Variants in LINGO1 observed in about 807,000 individuals in gnomAD.
LINGO1 encodes the protein leucine rich repeat and Ig domain containing 1.
Under a neutral mutation model 37.3 loss-of-function variants are expected in LINGO1, and 11 were observed. The observed-to-expected ratio is 0.29, with a 90% confidence interval of 0.19 to 0.49. The LOEUF (loss-of-function observed/expected upper bound fraction) is 0.49, where lower values mean the gene tolerates loss of function less well. Among genes scored for constraint, LINGO1 ranks in the 20% least tolerant of loss-of-function variants. The pLI, the probability that LINGO1 is intolerant of heterozygous loss-of-function variation, is 0.99. For synonymous variants in LINGO1, 387 were observed against 403.0 expected (o/e 0.96, Z 0.48); for missense variants, 585 against 878.2 (o/e 0.67, Z 4.22).
intron 1 of LINGO1, among the ~76,000 whole-genome samples, chr15:77,617,169 G>A (rs1567453656): frequency 6.6e-6 from 1 of 152,178 alleles, no homozygotes; most frequent in Non-Finnish European, 1.5e-5. Flanking sequence ...TGCAGGTGGA[G>A]TGAGCAAGGG....
intron 1 of LINGO1, among the ~76,000 whole-genome samples, chr15:77,756,756 A>G (rs887245309): frequency 6.6e-6 from 1 of 152,220 alleles, no homozygotes; most frequent in Non-Finnish European, 1.5e-5. Context: ...CTTTAGGAGA[A>G]CGTGCTCAGG....
rs2073601513 is a variant in LINGO1, at chr15:77,614,114, A to T, written c.1793T>A (p.Val598Glu). ...NTKHNIEIEY[V>E]PRKSDAGISS... ...GATGCCTGCGTCCGACTTTCGGGGC[A>T]CATACTCGATCTCGATGTTGTGCTT... Residue 598 changes from valine to glutamate, a missense_variant, in exon 2 of 2, where the codon GTG (valine) becomes GAG (glutamate). This residue lies in a region of LINGO1 where 34 missense variants were observed against 62.0 expected (regional missense o/e 0.55). Coordinates refer to ENST00000355300, the MANE Select transcript of LINGO1 (RefSeq NM_032808.7). 6.2e-7 allele frequency: 1 copy of T among 1,613,754 alleles called. No homozygotes were observed. The highest frequency in any genetic ancestry group is 8.5e-7 in the Non-Finnish European group (1 of 1,179,858).
chr15:77,804,460 A>G (rs1405218774), intron 1 of LINGO1, among the ~76,000 whole-genome samples: 4 of 152,210 alleles, frequency 2.6e-5, no homozygotes, highest in Non-Finnish European at 5.9e-5. Context: ...CTGTCTGGAT[A>G]AGGGGTGAGC....
chr15:77,728,398 C>T (rs568043324), intron 2 of LINGO1, among the ~76,000 whole-genome samples: 29 of 152,368 alleles, frequency 1.9e-4, no homozygotes, highest in African/African-American at 6.7e-4. Context: ...AAGCCTCGTT[C>T]GTCTCGGCTG....
chr15:77,615,590 A>C lies in LINGO1; in HGVS notation c.317T>G (p.Ile106Ser). 6.2e-7 allele frequency: 1 copy of C among 1,611,456 alleles called. No individual in the cohort carries two copies. The change falls in exon 2 of 2, where the codon ATC (isoleucine) becomes AGC (serine). Residue 106 changes from isoleucine (I) to serine (S), a missense_variant. Ile to Ser is a moderately radical substitution (Grantham distance 142). Transcript: ENST00000355300. ...GGCGCCGGGCTCCACGGCGCTCACG[A>C]TGTTCTCGTTGAGCTCCAGCTCCTC... Reference protein sequence around the residue: ...HLEELELNENIVSAVEPGAFN... With the variant: ...HLEELELNENSVSAVEPGAFN...
chr15:77,648,384 TC>T (rs1334154426), intron 3 of LINGO1: 2 of 158,754 alleles, frequency 1.3e-5, no homozygotes, highest in Non-Finnish European at 2.8e-5. Flanking sequence ...AGCGGCAATG[TC>T]CACTCACACA....
At chr15:77,811,839 A>G (rs1166481032) in intron 1 of LINGO1, among the ~76,000 whole-genome samples, 1 of 152,210 alleles carries the variant, frequency 6.6e-6, no homozygotes, top group Non-Finnish European at 1.5e-5. Context: ...ATAAAGCAAA[A>G]TGTGGGAAAA....
chr15:77,776,551 A>AGGGG (rs2076656034), intron 1 of LINGO1, among the ~76,000 whole-genome samples: 1 of 112,004 alleles, frequency 8.9e-6, no homozygotes, highest in Non-Finnish European at 1.9e-5. Context: ...GGAGGGAGGG[A>AGGGG]GGGAGGGAGC....
intron 1 of LINGO1, among the ~76,000 whole-genome samples, chr15:77,803,066 C>A (rs1235915204): frequency 6.6e-6 from 1 of 152,192 alleles, no homozygotes; most frequent in African/African-American, 2.4e-5. Flanking sequence ...GATGCCTGTC[C>A]TCCCTGACCA....
At chr15:77,775,720 C>T (rs932435848) in intron 1 of LINGO1, among the ~76,000 whole-genome samples, 2 of 152,188 alleles carry the variant, frequency 1.3e-5, no homozygotes, top group Non-Finnish European at 2.9e-5. Context: ...CTGTCTGTGC[C>T]TCTCTAGACC....
chr15:77,798,680 G>A (rs1322071896), intron 1 of LINGO1, among the ~76,000 whole-genome samples: 1 of 152,222 alleles, frequency 6.6e-6, no homozygotes, highest in African/African-American at 2.4e-5. Flanking sequence ...CCCAGCTGCA[G>A]GCCTCACAGC....
chr15:77,734,034 G>A (rs1009709968), intron 2 of LINGO1, among the ~76,000 whole-genome samples: 4 of 152,160 alleles, frequency 2.6e-5, no homozygotes, highest in Admixed American at 6.5e-5. Flanking sequence ...TTACAGATAC[G>A]GAAATTTGAA....
chr15:77,774,091 C>G (rs2076612748), intron 1 of LINGO1, among the ~76,000 whole-genome samples: 1 of 152,104 alleles, frequency 6.6e-6, no homozygotes, highest in Non-Finnish European at 1.5e-5. Context: ...CCAGGGATGC[C>G]ATGGGCATCG....
intron 3 of LINGO1, among the ~76,000 whole-genome samples, chr15:77,644,789 T>C (rs2074587513): frequency 1.3e-5 from 2 of 152,084 alleles, no homozygotes; most frequent in South Asian, 4.2e-4. Context: ...TGAGGTAAGT[T>C]GCACTGGTGG....
intron 1 of LINGO1, among the ~76,000 whole-genome samples, chr15:77,798,589 G>C (rs901958967): frequency 2.6e-5 from 4 of 152,260 alleles, no homozygotes; most frequent in African/African-American, 9.6e-5. Flanking sequence ...TTTGGGGCAG[G>C]GGAGGAGACG....
chr15:77,617,876 T>C (rs2073782550), intron 1 of LINGO1, among the ~76,000 whole-genome samples: 3 of 152,206 alleles, frequency 2.0e-5, no homozygotes, highest in African/African-American at 7.2e-5. Context: ...TGACATGTTA[T>C]GGAATCTGCA....
At chr15:77,658,131 G>A (rs1321620258) in intron 3 of LINGO1, among the ~76,000 whole-genome samples, 3 of 152,156 alleles carry the variant, frequency 2.0e-5, no homozygotes, top group African/African-American at 7.2e-5. Context: ...CTAGGAAGGT[G>A]AGGACTGTGA....
Position 77,716,364 on chromosome 15 carries a change from T to C in LINGO1, c.-195+18628A>G, listed in dbSNP as rs1330596646. On this transcript the variant is annotated intron_variant, in intron 2 of 3. Coordinates refer to the LINGO1 transcript ENST00000561686. ...GGTGTGATCACAGCTCACTGCAACC[T>C]CCACCTCCTGGGCTCAATCAATCCT... Among the ~76,000 whole-genome samples the C allele has an allele frequency of 5.9e-5, 8 of 136,354 alleles. No homozygotes were observed. The Admixed American group carries it at 6.3e-4, about 11-fold the overall frequency. 89.5% of individuals were successfully genotyped at this position (136,354 alleles called of 152,430 possible).
chr15:77,686,710 C>T (rs1489389413), intron 2 of LINGO1, among the ~76,000 whole-genome samples: 5 of 152,196 alleles, frequency 3.3e-5, no homozygotes, highest in Admixed American at 6.5e-5. Flanking sequence ...CTTGCCTCTT[C>T]GGGGACCCCA....
Sources: gnomAD v4.1 joint callset for allele counts (sites outside exome capture counted in the v4.1 genomes callset) on GRCh38, gnomAD v4.1.1 for gene constraint, gnomAD v4.1.1 regional missense constraint, MANE v1.5 for transcripts, NCBI Gene and HGNC (gene_info 2026-07-23, HGNC 2026-07-21) for gene names.